Variants in MFAP2 observed in about 807,000 individuals in gnomAD.
The protein encoded by MFAP2 is microfibrillar-associated protein 2.
MFAP2 carries 23 observed loss-of-function variants against 30.6 expected under a neutral mutation model. The observed-to-expected ratio is 0.75, with a 90% CI of 0.54 to 1.07. MFAP2 has a LOEUF of 1.07. Ranked by LOEUF, MFAP2 falls within the 50% of genes least tolerant of loss-of-function variation. The pLI, the probability that MFAP2 is intolerant of heterozygous loss-of-function variation, is 0.00. For synonymous variants in MFAP2, 73 were observed against 85.7 expected (o/e 0.85, Z 0.82); for missense variants, 198 against 223.8 (o/e 0.88, Z 0.74).
Position 16,975,957 on chromosome 1 carries a change from C to T in MFAP2, c.287-227G>A, listed in dbSNP as rs900360075. Among the ~76,000 whole-genome samples the T allele has an allele frequency of 1.3e-5, 2 of 152,128 alleles. No homozygotes were observed. Among genetic ancestry groups the T allele is most frequent in the Non-Finnish European group, 2.9e-5 (2 of 68,000 alleles). On this transcript the variant is annotated intron_variant, in intron 6 of 8. Transcript: ENST00000375535. This position sits in a 1 kb window ranked among gnomAD's most constrained non-coding sequence, Gnocchi z 5.0. ...CGCACTTACTATAGAAGCCTAAGTT[C>T]AAACAGAAATTTGCACCCACCCATG...
In MFAP2 at chr1:16,975,567, G is replaced by A. The variant is rs372717107; in HGVS notation, c.374+76C>T. ...TCTTTCCTCCAACTCCCACCTTGGCGGGCCAGAGCTGTCCCCTGTGCCCTC... is the reference window on the plus strand; with the variant it reads ...TCTTTCCTCCAACTCCCACCTTGGCAGGCCAGAGCTGTCCCCTGTGCCCTC... On this transcript the variant is annotated intron_variant, in intron 7 of 8. Coordinates refer to ENST00000375535, the MANE Select transcript of MFAP2 (RefSeq NM_002403.4). This position sits in a 1 kb window ranked among gnomAD's most constrained non-coding sequence, Gnocchi z 5.0. 1.1e-5 allele frequency: 16 copies of A among 1,471,388 alleles called. No individual in the cohort carries two copies. The highest frequency in any genetic ancestry group is 5.4e-5 in the Admixed American group (3 of 55,328). 91.1% of individuals were successfully genotyped at this position (1,471,388 alleles called of 1,614,324 possible). A position where few individuals can be genotyped will look rare whatever the true frequency, so the allele number is the denominator to read the frequency against.
Position 16,976,042 on chromosome 1 carries a change from A to T in MFAP2, c.287-312T>A. Reference sequence around the variant, plus strand: ...GACGTGCCCACGCTCACAGAAGCCCACATAGGAGCGCTCACACCAACCCAC... The same window carrying T: ...GACGTGCCCACGCTCACAGAAGCCCTCATAGGAGCGCTCACACCAACCCAC... On this transcript the variant is annotated intron_variant, in intron 6 of 8. Coordinates refer to ENST00000375535, the MANE Select transcript of MFAP2 (RefSeq NM_002403.4). The surrounding 1 kb of genome is among the most constrained non-coding windows in gnomAD (Gnocchi z 5.5). 1 of 474,774 alleles carries T rather than the reference A, an allele frequency of 2.1e-6. No individual in the cohort carries two copies. The highest frequency in any genetic ancestry group is 3.8e-6 in the Non-Finnish European group (1 of 261,778). 29.4% of individuals were successfully genotyped at this position (474,774 alleles called of 1,614,324 possible). A position where few individuals can be genotyped will look rare whatever the true frequency, so the allele number is the denominator to read the frequency against.
intron 1 of MFAP2, among the ~76,000 whole-genome samples, chr1:16,979,842 G>C (rs533787501): frequency 6.6e-6 from 1 of 152,198 alleles, no homozygotes; most frequent in Admixed American, 6.5e-5. Context: ...CGGGCTAGCG[G>C]GGAGGCAGGA....
Position 16,976,919 on chromosome 1 carries a change from G to A in MFAP2, c.132C>T (p.Asn44=), listed in dbSNP as rs766643847. 6.2e-7 allele frequency: 1 copy of A among 1,614,004 alleles called. No individual in the cohort carries two copies. Among genetic ancestry groups the A allele is most frequent in the African/African-American group, 1.3e-5 (1 of 74,912 alleles). The change falls in exon 4 of 9, where the codon AAC becomes AAT. Residue 44 remains asparagine, a synonymous_variant. Coordinates refer to ENST00000375535, the MANE Select transcript of MFAP2 (RefSeq NM_002403.4). The surrounding 1 kb of genome is among the most constrained non-coding windows in gnomAD (Gnocchi z 5.5). ...TACCTTGATAATCATAGTAGTCTGG[G>A]TTGTCTGCAAACAAAGATGAAAGTG... ...QYTHYSDQID[N]PDYYDYQEVT... is the part of the protein sequence containing the mutation.
Position 16,976,790 on chromosome 1 carries a change from C to G in MFAP2, c.159G>C (p.Val53=). The G allele has an allele frequency of 1.2e-6, 2 of 1,614,050 alleles. No homozygotes were observed. The highest frequency in any genetic ancestry group is 1.7e-6 in the Non-Finnish European group (2 of 1,179,982). The change falls in exon 5 of 9, where the codon GTG becomes GTC. Residue 53 remains valine, a synonymous_variant. Transcript: ENST00000375535. This position sits in a 1 kb window ranked among gnomAD's most constrained non-coding sequence, Gnocchi z 5.5. ...ACTGTTCCTCGGAGGGCCGAGGAGT[C>G]ACCTCTGCAGCCAGGGGAGGATAAG... ...DNPDYYDYQE[V]TPRPSEEQFQ...
At chr1:16,978,418 T>C (rs2076611217) in intron 1 of MFAP2, 104 bp from the exon 2 acceptor site, 1 of 941,648 alleles carries the variant, frequency 1.1e-6, no homozygotes, top group Non-Finnish European at 1.6e-6. Flanking sequence ...GCACCCAGAA[T>C]AGAAGCCAGG....
intron 2 of MFAP2, chr1:16,977,996 C>T (rs1426634292): frequency 1.5e-5 from 7 of 468,436 alleles, no homozygotes; most frequent in Non-Finnish European, 2.4e-5. Flanking sequence ...CTGGGACGTG[C>T]CCTCCAGAAC....
At position 16,975,675 on chromosome 1, in the gene MFAP2, G is replaced by T. The variant is rs745619809; in HGVS notation, c.342C>A (p.Cys114Ter). ...AGCAGACCTCGTTGAGACACTGTTT[G>T]CAAGGCCTGTGTATGGAGTAGAGGC... ...CTRLYSIHRP[C>*]KQCLNEVCFY... is the part of the protein sequence containing the mutation. The change falls in exon 7 of 9, where the codon TGC becomes TGA. Residue 114 changes from cysteine (C) to a stop codon, truncating the protein, a stop_gained. Transcript: ENST00000375535. LOFTEE classifies it high-confidence loss of function. This position sits in a 1 kb window ranked among gnomAD's most constrained non-coding sequence, Gnocchi z 5.0. 6.2e-7 allele frequency: 1 copy of T among 1,614,048 alleles called. No individual in the cohort carries two copies. The highest frequency in any genetic ancestry group is 8.5e-7 in the Non-Finnish European group (1 of 1,179,978).
In MFAP2 at chr1:16,974,760, A is replaced by AG; in HGVS notation, c.*159dup. ...CCCAGAGGTGGCCACAGGCTGAAGG[A>AG]GGGGCCTGAGGCACCGCAGCCTGCA... On this transcript the variant is annotated 3_prime_UTR_variant, in exon 9 of 9. Transcript: ENST00000375535. The AG allele has an allele frequency of 5.7e-6, 2 of 351,190 alleles. No individual in the cohort carries two copies. The highest frequency in any genetic ancestry group is 6.0e-5 in the South Asian group (2 of 33,504). 21.8% of individuals were successfully genotyped at this position (351,190 alleles called of 1,614,324 possible).
chr1:16,976,316 A>G lies in MFAP2; in HGVS notation c.286+185T>C, dbSNP rs1336117953. ...GCCTCCAGCCAGGCACACTGGGGAC[A>G]GGTGGGACCTCCTGGAGCTGCCTGG... On this transcript the variant is annotated intron_variant, in intron 6 of 8. Coordinates refer to ENST00000375535, the MANE Select transcript of MFAP2 (RefSeq NM_002403.4). The surrounding 1 kb of genome is among the most constrained non-coding windows in gnomAD (Gnocchi z 5.5). The G allele has an allele frequency of 7.2e-5, 51 of 705,126 alleles. No homozygotes were observed. The Admixed American group carries it at 1.1e-3, about 16-fold the overall frequency. 43.7% of individuals were successfully genotyped at this position (705,126 alleles called of 1,614,324 possible). A position where few individuals can be genotyped will look rare whatever the true frequency, so the allele number is the denominator to read the frequency against.
chr1:16,976,980 G>T lies in MFAP2; in HGVS notation c.128-57C>A. The T allele has an allele frequency of 6.2e-7, 1 of 1,613,864 alleles. No individual in the cohort carries two copies. The highest frequency in any genetic ancestry group is 8.5e-7 in the Non-Finnish European group (1 of 1,179,852). On this transcript the variant is annotated intron_variant, in intron 3 of 8. Coordinates refer to ENST00000375535, the MANE Select transcript of MFAP2 (RefSeq NM_002403.4). This position sits in a 1 kb window ranked among gnomAD's most constrained non-coding sequence, Gnocchi z 5.5. ...GAGTAAGGCTAATCCCCCAGCCCCT[G>T]GGGCAAACAAGTTCCCTCCTGAGCC...
intron 1 of MFAP2, among the ~76,000 whole-genome samples, chr1:16,979,593 A>G (rs1229208009): frequency 6.6e-6 from 1 of 152,088 alleles, no homozygotes; most frequent in Non-Finnish European, 1.5e-5. Context: ...GGCTCCCCAC[A>G]CCCCATTCTG....
At chr1:16,977,257 C>A in intron 2 of MFAP2, 59 bp from the exon 3 acceptor site, 6 of 1,559,742 alleles carry the variant, frequency 3.8e-6, no homozygotes, top group Middle Eastern at 3.6e-4. Context: ...GGGCCCGAGG[C>A]GCTTCTGGAG....
In MFAP2 at chr1:16,975,766, T is replaced by TG. The variant is rs761276614; in HGVS notation, c.287-37dup. 4.3e-4 allele frequency: 684 copies of TG among 1,592,498 alleles called. No homozygotes were observed. Among genetic ancestry groups the TG allele is most frequent in the Non-Finnish European group, 4.3e-4 (502 of 1,164,524 alleles). ...GTGGGGTCAGACTAGGAGCCCAGAG[T>TG]GGGGGGCGGCCCCCAGCCTCACCCA... is the stretch of plus-strand genomic sequence containing the variant. On this transcript the variant is annotated intron_variant, in intron 6 of 8. Transcript: ENST00000375535. This position sits in a 1 kb window ranked among gnomAD's most constrained non-coding sequence, Gnocchi z 5.0.
chr1:16,975,386 A>C lies in MFAP2; in HGVS notation c.375-44T>G. ...GGAGGTCTCAGCCCCACTTCCACCC[A>C]ATCCCACTGGGATAGCCCAGACAGA... is the stretch of plus-strand genomic sequence containing the variant. On this transcript the variant is annotated intron_variant, in intron 7 of 8. Transcript: ENST00000375535. The surrounding 1 kb of genome is among the most constrained non-coding windows in gnomAD (Gnocchi z 5.0). 1.3e-6 allele frequency: 2 copies of C among 1,599,830 alleles called. No homozygotes were observed. The highest frequency in any genetic ancestry group is 1.7e-6 in the Non-Finnish European group (2 of 1,169,970).
At chr1:16,981,202 C>G (rs1292952855), upstream of MFAP2, among the ~76,000 whole-genome samples, 1 of 152,138 alleles carries the variant, frequency 6.6e-6, no homozygotes, top group African/African-American at 2.4e-5. Context: ...CTTCCGGCCT[C>G]GAAATTTTGG....
Position 16,976,394 on chromosome 1 carries a change from C to A in MFAP2, c.286+107G>T. ...GTCATACTGCCCACACTGCCAAGAG[C>A]CCACATGGGCAAGGGCCAAAGACCT... On this transcript the variant is annotated intron_variant, in intron 6 of 8. Coordinates refer to ENST00000375535, the MANE Select transcript of MFAP2 (RefSeq NM_002403.4). This position sits in a 1 kb window ranked among gnomAD's most constrained non-coding sequence, Gnocchi z 5.5. 1 of 1,424,484 alleles carries A rather than the reference C, an allele frequency of 7.0e-7. No homozygotes were observed. Among genetic ancestry groups the A allele is most frequent in the South Asian group, 1.2e-5 (1 of 86,602 alleles). The allele number at this position is 1,424,484 out of a possible 1,614,324, so 88.2% of individuals were successfully genotyped here.
At position 16,977,202 on chromosome 1, in the gene MFAP2, T is replaced by C. The variant is rs1158125889; in HGVS notation, c.38-4A>G. 6.2e-7 allele frequency: 1 copy of C among 1,612,904 alleles called. No individual in the cohort carries two copies. The highest frequency in any genetic ancestry group is 1.3e-5 in the African/African-American group (1 of 74,874). On this transcript the variant is annotated splice_polypyrimidine_tract_variant and splice_region_variant and intron_variant, in intron 2 of 8. Coordinates refer to ENST00000375535, the MANE Select transcript of MFAP2 (RefSeq NM_002403.4). The stretch of plus-strand genomic sequence containing the variant: ...TGGCCCTGAGCCAGCAAGCCTGCTG[T>C]GGGGAGGCAAAGCATGTAGGGTACC...
rs373784175 is a variant in MFAP2, at chr1:16,976,782, C to G, written c.167G>C (p.Arg56Pro). 40 of 1,613,772 alleles carry G rather than the reference C, an allele frequency of 2.5e-5. No individual in the cohort carries two copies. The highest frequency in any genetic ancestry group is 1.6e-4 in the East Asian group (7 of 44,864). The change falls in exon 5 of 9, where the codon CGG becomes CCG. Residue 56 changes from arginine to proline, a missense_variant. Coordinates refer to ENST00000375535, the MANE Select transcript of MFAP2 (RefSeq NM_002403.4). This position sits in a 1 kb window ranked among gnomAD's most constrained non-coding sequence, Gnocchi z 5.5. Reference sequence around the variant, plus strand: ...GAACTGGAACTGTTCCTCGGAGGGCCGAGGAGTCACCTCTGCAGCCAGGGG... The same window carrying G: ...GAACTGGAACTGTTCCTCGGAGGGCGGAGGAGTCACCTCTGCAGCCAGGGG... Reference protein sequence around the residue: ...DYYDYQEVTPRPSEEQFQFQS... With the variant: ...DYYDYQEVTPPPSEEQFQFQS...
Sources: gnomAD v4.1 joint callset for allele counts (sites outside exome capture counted in the v4.1 genomes callset) on GRCh38, gnomAD v4.1.1 for gene constraint, Gnocchi (gnomAD v3.1) non-coding constraint, MANE v1.5 for transcripts, NCBI Gene and HGNC (gene_info 2026-07-23, HGNC 2026-07-21) for gene names.